The following LARP1B variants were observed in gnomAD, a reference collection of about 807,000 sequenced individuals.
LARP1B encodes the protein la-related protein 1B.
In LARP1B, 76 loss-of-function variants were observed where a neutral mutation model predicts 114.2. That is an observed-to-expected ratio of 0.67 (90% CI 0.55 to 0.81). The LOEUF is 0.81. Ranked by LOEUF, LARP1B falls within the 30% of genes least tolerant of loss-of-function variation. The pLI is 0.00. For synonymous variants in LARP1B, 345 were observed against 348.0 expected (o/e 0.99, Z 0.10); for missense variants, 1,014 against 1,075.8 (o/e 0.94, Z 0.80).
At chr4:128,097,540 C>G (rs1267581952) in intron 7 of LARP1B, among the ~76,000 whole-genome samples, 1 of 152,082 alleles carries the variant, frequency 6.6e-6, no homozygotes, top group Non-Finnish European at 1.5e-5. Context: ...CTGCCGACCT[C>G]AGGGGATCCA....
chr4:128,152,695 T>G (rs1052404314), intron 11 of LARP1B, among the ~76,000 whole-genome samples: 9 of 151,818 alleles, frequency 5.9e-5, no homozygotes, highest in African/African-American at 1.9e-4. Context: ...TTTTCTCCCT[T>G]TTTAGTGATA....
At chr4:128,117,145 G>A (rs1283972815) in intron 10 of LARP1B, among the ~76,000 whole-genome samples, 1 of 151,404 alleles carries the variant, frequency 6.6e-6, no homozygotes, top group African/African-American at 2.4e-5. Context: ...CTCCTGATCC[G>A]CCTGCCTTAG....
intron 11 of LARP1B, among the ~76,000 whole-genome samples, chr4:128,125,444 G>A (rs1295975128): frequency 2.6e-5 from 4 of 152,210 alleles, no homozygotes; most frequent in African/African-American, 9.6e-5. Flanking sequence ...CTCCCCAAGG[G>A]ACTCTGTAAA....
intron 15 of LARP1B, among the ~76,000 whole-genome samples, chr4:128,191,594 C>T (rs912191391): frequency 3.3e-5 from 5 of 152,080 alleles, no homozygotes; most frequent in Admixed American, 1.3e-4. Flanking sequence ...GGCTGGCAAA[C>T]GGTTTGTACC....
At chr4:128,140,127 G>A (rs891568804) in intron 11 of LARP1B, among the ~76,000 whole-genome samples, 2 of 152,096 alleles carry the variant, frequency 1.3e-5, no homozygotes, top group Non-Finnish European at 2.9e-5. Flanking sequence ...TATTTAAAAT[G>A]TACATCTTGT....
intron 5 of LARP1B, among the ~76,000 whole-genome samples, chr4:128,084,995 C>T (rs1241681917): frequency 1.3e-5 from 2 of 152,000 alleles, no homozygotes; most frequent in African/African-American, 4.8e-5. Flanking sequence ...TCCCAAGTAG[C>T]TGGGACTACA....
chr4:128,186,871 T>C (rs542644131), intron 15 of LARP1B, among the ~76,000 whole-genome samples: 1 of 152,294 alleles, frequency 6.6e-6, no homozygotes, highest in South Asian at 2.1e-4. Flanking sequence ...GCTCCAGCTG[T>C]AGCATGGCTA....
chr4:128,062,196 C>A, intron 1 of LARP1B: 1 of 985,456 alleles, frequency 1.0e-6, no homozygotes, highest in Non-Finnish European at 1.2e-6. Context: ...CCGCCACCGC[C>A]CCCGCTGGAA....
chr4:128,138,288 A>T (rs1163482352), intron 11 of LARP1B, among the ~76,000 whole-genome samples: 1 of 152,202 alleles, frequency 6.6e-6, no homozygotes, highest in East Asian at 1.9e-4. Context: ...AACCATACAG[A>T]AATTTTAAAA....
At chr4:128,096,250 C>T (rs985389766) in intron 7 of LARP1B, among the ~76,000 whole-genome samples, 45 of 152,098 alleles carry the variant, frequency 3.0e-4, no homozygotes, top group Non-Finnish European at 3.1e-4. Flanking sequence ...GCCTCGGCCT[C>T]CCAAAGTGCT....
chr4:128,189,324 CTTTTTTTTTTTTT>C (rs70966089), intron 15 of LARP1B, among the ~76,000 whole-genome samples: 22 of 6,824 alleles, frequency 3.2e-3, no homozygotes, highest in Non-Finnish European at 6.1e-3. Context: ...AGTATGGCTA[CTTTTTTTTTTTTT>C]TTTTTTTTTT....
At chr4:128,062,109 AGCC>A in intron 1 of LARP1B, 1 of 985,336 alleles carries the variant, frequency 1.0e-6, no homozygotes, top group Non-Finnish European at 1.2e-6. Flanking sequence ...GAAAAGCGGC[AGCC>A]GCCGCTGCTG....
chr4:128,167,300 A>G (rs1262254952), intron 12 of LARP1B, among the ~76,000 whole-genome samples: 1 of 151,790 alleles, frequency 6.6e-6, no homozygotes, highest in African/African-American at 2.4e-5. Flanking sequence ...ACAAATCTCC[A>G]TACTGTTTTC....
chr4:128,108,550 A>G (rs1782875263), intron 9 of LARP1B: 1 of 985,644 alleles, frequency 1.0e-6, no homozygotes. Flanking sequence ...GTCTCACACT[A>G]TTTTTATCAT....
intron 12 of LARP1B, among the ~76,000 whole-genome samples, chr4:128,166,457 G>T (rs1740851822): frequency 6.6e-6 from 1 of 151,212 alleles, no homozygotes; most frequent in African/African-American, 2.4e-5. Context: ...TATATTTTTT[G>T]TTTCCTCTTA....
intron 1 of LARP1B, among the ~76,000 whole-genome samples, chr4:128,071,654 TC>T (rs1272538151): frequency 6.6e-6 from 1 of 151,238 alleles, no homozygotes; most frequent in Non-Finnish European, 1.5e-5. Context: ...ACTCCTGACC[TC>T]AGGTGATCCA....
chr4:128,082,961 C>T lies in LARP1B; in HGVS notation c.358+656C>T, dbSNP rs575829194. On this transcript the variant is annotated intron_variant, in intron 5 of 19. Transcript: ENST00000326639. ...TGGTTTTCCTAGGCAGAGGACCCTG[C>T]GGCCTTCCGCAGTGTTTGTGTCCCT... 9.5e-3 allele frequency among the ~76,000 whole-genome samples: 1,431 copies of T among 151,270 alleles called. 23 individuals are homozygous for T. Among genetic ancestry groups the T allele is most frequent in the African/African-American group, 0.032 (1,334 of 41,060 alleles).
At chr4:128,196,497 C>T (rs546693023) in intron 15 of LARP1B, among the ~76,000 whole-genome samples, 3 of 151,444 alleles carry the variant, frequency 2.0e-5, no homozygotes, top group South Asian at 2.1e-4. Flanking sequence ...CCAGTCTGGG[C>T]GACAGAGCAA....
At chr4:128,104,454 C>G (rs780444931) in intron 8 of LARP1B, among the ~76,000 whole-genome samples, 20 of 151,654 alleles carry the variant, frequency 1.3e-4, no homozygotes, top group Non-Finnish European at 2.7e-4. Flanking sequence ...TGCTTTCTTC[C>G]TTTTTTTTGA....
Sources: allele counts gnomAD v4.1 joint callset (sites outside exome capture counted in the v4.1 genomes callset), GRCh38; gene constraint gnomAD v4.1.1; transcripts MANE v1.5; gene names NCBI Gene and HGNC (gene_info 2026-07-23, HGNC 2026-07-21).